SNAP91: variants seen among roughly 807,000 people sequenced by gnomAD.
SNAP91 encodes the protein synaptosome associated protein 91, also known as clathrin coat assembly protein AP180.
In SNAP91, 27 loss-of-function variants were observed where a neutral mutation model predicts 100.3. The ratio of observed to expected loss-of-function variants is 0.27; its 90% CI spans 0.20 to 0.37. The LOEUF (loss-of-function observed/expected upper bound fraction) is 0.37. SNAP91 is among the 10% of genes least tolerant of loss of function. SNAP91 has a pLI of 1.00. For missense variants in SNAP91, 986 were observed against 1,123.7 expected, an observed-to-expected ratio of 0.88 and a Z score of 1.75; for synonymous variants, 404 against 398.6, an observed-to-expected ratio of 1.01 and a Z score of -0.16.
chr6:83,676,588 C>T (rs575911595), intron 2 of SNAP91, among the ~76,000 whole-genome samples: 3 of 152,228 alleles, frequency 2.0e-5, no homozygotes, highest in African/African-American at 7.2e-5. Flanking sequence ...AAGCAAGGGA[C>T]GGAGTGGTGG....
chr6:83,646,054 G>A (rs1443738414), intron 7 of SNAP91, among the ~76,000 whole-genome samples: 1 of 152,098 alleles, frequency 6.6e-6, no homozygotes, highest in Non-Finnish European at 1.5e-5. Context: ...AAAGTTTTTA[G>A]CCCATTTTTA....
At chr6:83,664,311 G>A (rs887767734) in intron 3 of SNAP91, among the ~76,000 whole-genome samples, 2 of 152,150 alleles carry the variant, frequency 1.3e-5, no homozygotes, top group African/African-American at 2.4e-5. Context: ...ACCACAGATA[G>A]TGATTCCTCT....
intron 5 of SNAP91, 114 bp from the exon 6 acceptor site, chr6:83,659,206 G>T: frequency 1.3e-6 from 1 of 755,880 alleles, no homozygotes; most frequent in Non-Finnish European, 2.1e-6. Context: ...TTAATCCTGT[G>T]GGATCAATTT....
At position 83,592,459 on chromosome 6, in the gene SNAP91, A is replaced by T; in HGVS notation, c.1926T>A (p.Phe642Leu). 6.2e-7 allele frequency: 1 copy of T among 1,607,778 alleles called. No individual in the cohort carries two copies. The highest frequency in any genetic ancestry group is 8.5e-7 in the Non-Finnish European group (1 of 1,176,160). The change falls in exon 21 of 30, where the codon TTT becomes TTA. Residue 642 changes from phenylalanine to leucine, a missense_variant. Physicochemically the swap from Phe to Leu is conservative, Grantham distance 22 (BLOSUM62 0). Coordinates refer to ENST00000369694, the MANE Select transcript of SNAP91 (RefSeq NM_001242792.2). Reference sequence around the variant, plus strand: ...TGATGGAGGAGAAATACGCACCCCCAAAAAGGTCTATGACACCTGAAGAAT... The same window carrying T: ...TGATGGAGGAGAAATACGCACCCCCTAAAAGGTCTATGACACCTGAAGAAT... ...KVDSSGVIDL[F>L]GDAFGSSASE...
intron 11 of SNAP91, among the ~76,000 whole-genome samples, chr6:83,612,696 C>T (rs894533287): frequency 3.3e-5 from 5 of 151,676 alleles, no homozygotes; most frequent in South Asian, 4.2e-4. Flanking sequence ...GCCAATATGG[C>T]GAAACCCTGT....
At chr6:83,607,139 T>C (rs1167794840) in intron 13 of SNAP91, among the ~76,000 whole-genome samples, 1 of 152,178 alleles carries the variant, frequency 6.6e-6, no homozygotes, top group Non-Finnish European at 1.5e-5. Context: ...GACACACCTA[T>C]GAGCTGGGGA....
chr6:83,572,729 G>A (rs564359196), intron 26 of SNAP91, among the ~76,000 whole-genome samples: 496 of 152,260 alleles, frequency 3.3e-3, no homozygotes, highest in Admixed American at 4.8e-3. Context: ...CATCACGAAA[G>A]TATAAATTCC....
At position 83,708,887 on chromosome 6, in the gene SNAP91, C is replaced by T. The variant is rs1362279488; in HGVS notation, c.-73G>A. The stretch of plus-strand genomic sequence containing the variant: ...CCGCCCGCCGCAGGATGAGCGGAGC[C>T]CGGGCCGCCGAGGGAAGCCGCGCCG... On this transcript the variant is annotated 5_prime_UTR_variant, in exon 1 of 30. Coordinates refer to ENST00000369694, the MANE Select transcript of SNAP91 (RefSeq NM_001242792.2). 2.0e-5 allele frequency: 3 copies of T among 152,082 alleles called. No individual in the cohort carries two copies. The highest frequency in any genetic ancestry group is 7.2e-5 in the African/African-American group (3 of 41,410). The allele number at this position is 152,082 out of a possible 1,614,324, so 9.4% of individuals were successfully genotyped here. A position where few individuals can be genotyped will look rare whatever the true frequency, so the allele number is the denominator to read the frequency against.
At chr6:83,619,791 C>T (rs533783139) in intron 9 of SNAP91, among the ~76,000 whole-genome samples, 35 of 152,154 alleles carry the variant, frequency 2.3e-4, no homozygotes, top group Admixed American at 6.5e-4. Context: ...ATTCTTTTCT[C>T]GGAACAAATT....
intron 8 of SNAP91, among the ~76,000 whole-genome samples, chr6:83,627,905 ATGAG>A (rs1456611334): frequency 6.6e-6 from 1 of 151,722 alleles, no homozygotes; most frequent in East Asian, 1.9e-4. Context: ...GTTTGGTTAC[ATGAG>A]TAAGTCCTTT....
At chr6:83,627,717 T>C (rs1279794570) in intron 8 of SNAP91, among the ~76,000 whole-genome samples, 1 of 152,060 alleles carries the variant, frequency 6.6e-6, no homozygotes, top group African/African-American at 2.4e-5. Flanking sequence ...TGTCTGATTG[T>C]ATTTATTTGG....
intron 2 of SNAP91, among the ~76,000 whole-genome samples, chr6:83,687,111 T>TTAA (rs2128957137): frequency 6.6e-6 from 1 of 152,354 alleles, no homozygotes; most frequent in South Asian, 2.1e-4. Context: ...AACCTAGCTG[T>TTAA]TAACCCTTTA....
chr6:83,581,774 T>C (rs1828909048), intron 23 of SNAP91, among the ~76,000 whole-genome samples: 1 of 152,040 alleles, frequency 6.6e-6, no homozygotes, highest in South Asian at 2.1e-4. Flanking sequence ...TGATGAAAGG[T>C]TAAAGGCAGG....
intron 2 of SNAP91, among the ~76,000 whole-genome samples, chr6:83,690,761 T>C (rs2099120422): frequency 6.6e-6 from 1 of 152,022 alleles, no homozygotes; most frequent in Non-Finnish European, 1.5e-5. Flanking sequence ...TTAGATTAGC[T>C]CCTATACTAA....
intron 26 of SNAP91, among the ~76,000 whole-genome samples, chr6:83,570,333 A>C (rs1804628061): frequency 6.6e-6 from 1 of 152,188 alleles, no homozygotes. Flanking sequence ...TCAGTTTTAA[A>C]ACAGAAACAG....
intron 2 of SNAP91, among the ~76,000 whole-genome samples, chr6:83,705,396 G>A (rs1037171728): frequency 6.6e-6 from 1 of 152,160 alleles, no homozygotes; most frequent in Non-Finnish European, 1.5e-5. Flanking sequence ...ATGCAAGCAA[G>A]GTGGGTGTTT....
At chr6:83,699,416 G>A (rs2099263651) in intron 2 of SNAP91, among the ~76,000 whole-genome samples, 1 of 151,928 alleles carries the variant, frequency 6.6e-6, no homozygotes, top group South Asian at 2.1e-4. Flanking sequence ...AACCAAGAAT[G>A]CATAAAAGCA....
At chr6:83,697,130 C>G (rs78589199) in intron 2 of SNAP91, among the ~76,000 whole-genome samples, 1 of 151,946 alleles carries the variant, frequency 6.6e-6, no homozygotes, top group Non-Finnish European at 1.5e-5. Flanking sequence ...AATTTTATCA[C>G]GTTAATTAAT....
rs956733998 is a variant in SNAP91 at position 83,601,387 on chromosome 6, G to T, written c.1208C>A (p.Pro403Gln). 8.7e-6 allele frequency: 14 copies of T among 1,613,566 alleles called. No individual in the cohort carries two copies. Among genetic ancestry groups the T allele is most frequent in the South Asian group, 1.1e-5 (1 of 91,042 alleles). ...SVPSEAQISD[P>Q]FAPEPTPPTT... ...AGGAGGGGTAGGTTCTGGTGCAAAT[G>T]GATCTGAAATCTGTGCTTCAGAGGG... Residue 403 changes from proline to glutamine, a missense_variant, in exon 16 of 30, where the codon CCA (proline) becomes CAA (glutamine). Pro to Gln is a moderately conservative substitution (Grantham distance 76, BLOSUM62 -1). This residue lies in a region of SNAP91 where 575 missense variants were observed against 579.9 expected (regional missense o/e 0.99). Coordinates refer to ENST00000369694, the MANE Select transcript of SNAP91 (RefSeq NM_001242792.2).
Sources: allele counts gnomAD v4.1 joint callset (sites outside exome capture counted in the v4.1 genomes callset), GRCh38; gene constraint gnomAD v4.1.1; regional missense constraint gnomAD v4.1.1; transcripts MANE v1.5; gene names NCBI Gene and HGNC (gene_info 2026-07-23, HGNC 2026-07-21).